Variants in ADGRG5 observed in about 807,000 individuals in gnomAD.
The protein encoded by ADGRG5 is G protein-coupled receptor 114.
ADGRG5 carries 37 observed loss-of-function variants against 53.2 expected under a neutral mutation model. The ratio of observed to expected loss-of-function variants is 0.70; its 90% confidence interval spans 0.53 to 0.91. The LOEUF is 0.91. ADGRG5 is among the 40% of genes least tolerant of loss of function. The pLI is 0.00. For missense variants in ADGRG5, 614 were observed against 675.8 expected (o/e 0.91, Z 1.01); for synonymous variants, 277 against 290.4 (o/e 0.95, Z 0.47).
Position 57,561,523 on chromosome 16 carries a change from T to A in ADGRG5, c.-38-533T>A, listed in dbSNP as rs192749669. ...TTTTCATGCCTCTTTTCTTTCCCAT[T>A]GTTCTGTGGCTTTGTGCCTATTTTA... On this transcript the variant is annotated intron_variant, in intron 1 of 11. Transcript: ENST00000349457. 4.9e-3 allele frequency among the ~76,000 whole-genome samples: 740 copies of A among 152,334 alleles called. 3 individuals are homozygous for A. The highest frequency in any genetic ancestry group is 8.1e-3 in the Non-Finnish European group (552 of 68,030).
the ADGRG5 span, among the ~76,000 whole-genome samples, chr16:57,536,063 C>T: frequency 6.6e-6 from 1 of 152,210 alleles, no homozygotes; most frequent in African/African-American, 2.4e-5. Flanking sequence ...CCCGCCCACC[C>T]CACCGCATGG....
intron 7 of ADGRG5, among the ~76,000 whole-genome samples, chr16:57,567,078 T>A: frequency 6.6e-6 from 1 of 152,176 alleles, no homozygotes; most frequent in Middle Eastern, 3.2e-3. Flanking sequence ...GCTCATGCCC[T>A]GCTAGCTTTC....
At chr16:57,538,548 C>T (rs921858747), upstream of ADGRG5, among the ~76,000 whole-genome samples, 2 of 152,154 alleles carry the variant, frequency 1.3e-5, no homozygotes, top group Admixed American at 6.5e-5. Flanking sequence ...CGGGGTCACC[C>T]TATGAGATGT....
At chr16:57,557,987 T>G (rs540425984) in intron 1 of ADGRG5, among the ~76,000 whole-genome samples, 19 of 152,248 alleles carry the variant, frequency 1.2e-4, no homozygotes, top group Non-Finnish European at 2.5e-4. Context: ...CTTAAAATCT[T>G]TGACTAACTA....
rs1284181566 is a variant in ADGRG5, at chr16:57,566,579, G to A, written c.547-20G>A. Reference sequence around the variant, plus strand: ...AGCCTTTCCTCTGCACCCTATGACTGACCCAGCATCTCCACCCAGGAAGGC... The same window carrying A: ...AGCCTTTCCTCTGCACCCTATGACTAACCCAGCATCTCCACCCAGGAAGGC... On this transcript the variant is annotated intron_variant, in intron 6 of 11. Coordinates refer to ENST00000349457, the MANE Select transcript of ADGRG5 (RefSeq NM_001304376.3). 4 of 1,474,522 alleles carry A rather than the reference G, an allele frequency of 2.7e-6. No homozygotes were observed. In the African/African-American group the frequency reaches 4.3e-5, roughly 16 times the overall value. 91.3% of individuals were successfully genotyped at this position (1,474,522 alleles called of 1,614,324 possible).
At chr16:57,572,038 C>T (rs555046632) in intron 10 of ADGRG5, among the ~76,000 whole-genome samples, 6 of 152,098 alleles carry the variant, frequency 3.9e-5, no homozygotes, top group South Asian at 2.1e-4. Flanking sequence ...CACCCACCTA[C>T]GAGCCAGCTT....
chr16:57,532,945 G>A, the ADGRG5 span, among the ~76,000 whole-genome samples: 2 of 152,210 alleles, frequency 1.3e-5, no homozygotes, highest in Non-Finnish European at 2.9e-5. Flanking sequence ...GAGCCTGGCA[G>A]GGAGGGGGCC....
rs2033461895 is a variant in ADGRG5 at position 57,574,706 on chromosome 16, A to G, written c.1209-109A>G. ...TTCACTGTGTGTTCAGTCAGGCAAG[A>G]AACAATAGGGCCTGAGCCAGGAGAC... On this transcript the variant is annotated intron_variant, in intron 10 of 11. Coordinates refer to ENST00000349457, the MANE Select transcript of ADGRG5 (RefSeq NM_001304376.3). The surrounding 1 kb of genome is among the most constrained non-coding windows in gnomAD (Gnocchi z 4.4). 1.1e-5 allele frequency: 14 copies of G among 1,268,042 alleles called. No individual in the cohort carries two copies. The South Asian group carries it at 2.2e-4, about 20-fold the overall frequency. 78.5% of individuals were successfully genotyped at this position (1,268,042 alleles called of 1,614,324 possible). A position where few individuals can be genotyped will look rare whatever the true frequency, so the allele number is the denominator to read the frequency against.
At chr16:57,535,986 C>T in the ADGRG5 span, among the ~76,000 whole-genome samples, 7 of 152,204 alleles carry the variant, frequency 4.6e-5, no homozygotes, top group African/African-American at 1.7e-4. Flanking sequence ...GCTGGCCCTG[C>T]GAACCGCCCC....
chr16:57,562,572 C>T (rs756104551), intron 3 of ADGRG5, 113 bp downstream of exon 3: 7 of 676,180 alleles, frequency 1.0e-5, no homozygotes, highest in Admixed American at 5.5e-5. Flanking sequence ...TGAGCACCTA[C>T]TGCATGCCTG....
At chr16:57,564,942 T>C (rs2033095368) in intron 5 of ADGRG5, 92 bp from the exon 6 acceptor site, 1 of 727,572 alleles carries the variant, frequency 1.4e-6, no homozygotes, top group African/African-American at 1.8e-5. Context: ...AAAGTCTTGC[T>C]GCTTGTTCTC....
intron 3 of ADGRG5, 200 bp downstream of exon 3, chr16:57,562,659 A>G: frequency 1.7e-6 from 1 of 579,164 alleles, no homozygotes; most frequent in South Asian, 2.1e-5. Flanking sequence ...GGGGCCCTTA[A>G]TCATAGATGT....
the ADGRG5 span, among the ~76,000 whole-genome samples, chr16:57,534,783 T>TA: frequency 1.3e-5 from 2 of 152,084 alleles, no homozygotes; most frequent in Non-Finnish European, 2.9e-5. Context: ...CTGAGACAGG[T>TA]AGGTATCTGA....
chr16:57,533,883 C>A, the ADGRG5 span, among the ~76,000 whole-genome samples: 1 of 152,150 alleles, frequency 6.6e-6, no homozygotes, highest in Non-Finnish European at 1.5e-5. Flanking sequence ...TGCCCTCTTG[C>A]CATGGGGTGT....
chr16:57,573,804 C>T (rs2033430548), intron 10 of ADGRG5, among the ~76,000 whole-genome samples: 1 of 152,148 alleles, frequency 6.6e-6, no homozygotes, highest in Non-Finnish European at 1.5e-5. Flanking sequence ...TCACTGCAAC[C>T]TCTGCCTCTC....
At chr16:57,558,561 A>G (rs1324812517) in intron 1 of ADGRG5, among the ~76,000 whole-genome samples, 2 of 152,240 alleles carry the variant, frequency 1.3e-5, no homozygotes, top group Admixed American at 1.3e-4. Flanking sequence ...AGCCTTAGAC[A>G]GTCTTGAGCC....
chr16:57,547,930 T>C (rs1347656040), intron 1 of ADGRG5, among the ~76,000 whole-genome samples: 1 of 152,066 alleles, frequency 6.6e-6, no homozygotes. Context: ...ATATTTTTAG[T>C]AGAGATGGGG....
Position 57,564,115 on chromosome 16 carries a change from A to T in ADGRG5, c.429+136A>T, listed in dbSNP as rs1205482203. The T allele has an allele frequency of 5.2e-6, 5 of 953,548 alleles. No homozygotes were observed. The African/African-American group carries it at 8.2e-5, about 16-fold the overall frequency. 59.1% of individuals were successfully genotyped at this position (953,548 alleles called of 1,614,324 possible). On this transcript the variant is annotated intron_variant, in intron 5 of 11. Coordinates refer to ENST00000349457, the MANE Select transcript of ADGRG5 (RefSeq NM_001304376.3). ...ACCAGCCATCTGTGCAATCCAAGCCAGCAATTGTCCCTCTCTGGGCCTCAG... is the reference window on the plus strand; with the variant it reads ...ACCAGCCATCTGTGCAATCCAAGCCTGCAATTGTCCCTCTCTGGGCCTCAG...
chr16:57,562,245 T>C (rs562904187), intron 2 of ADGRG5, 88 bp downstream of exon 2: 3 of 1,461,012 alleles, frequency 2.1e-6, no homozygotes, highest in Non-Finnish European at 2.8e-6. Context: ...CATGGGAGAT[T>C]GAAAAGGGCC....
Sources: gnomAD v4.1 joint callset for allele counts (sites outside exome capture counted in the v4.1 genomes callset) on GRCh38, gnomAD v4.1.1 for gene constraint, Gnocchi (gnomAD v3.1) non-coding constraint, MANE v1.5 for transcripts, NCBI Gene and HGNC (gene_info 2026-07-23, HGNC 2026-07-21) for gene names.